Variants in GUCY1A2 observed in about 807,000 individuals in gnomAD.
GUCY1A2 encodes the protein guanylate cyclase 1 soluble subunit alpha 2, also known as guanylate cyclase soluble subunit alpha-2.
Under a neutral mutation model 63.5 loss-of-function variants are expected in GUCY1A2, and 27 were observed. The ratio of observed to expected loss-of-function variants is 0.43; its 90% CI spans 0.31 to 0.59. GUCY1A2 has a LOEUF of 0.59. Ranked by LOEUF, GUCY1A2 falls within the 20% of genes least tolerant of loss-of-function variation. The probability of loss-of-function intolerance (pLI) is 0.11; values close to 1 mark genes in which losing one functional copy is unlikely to be tolerated. For missense variants in GUCY1A2, 768 were observed against 913.3 expected (o/e 0.84, Z 2.05); for synonymous variants, 364 against 343.5 (o/e 1.06, Z -0.66).
chr11:106,812,252 A>G (rs1858771769), intron 4 of GUCY1A2, among the ~76,000 whole-genome samples: 1 of 151,964 alleles, frequency 6.6e-6, no homozygotes, highest in Non-Finnish European at 1.5e-5. Flanking sequence ...TTAAATGGCA[A>G]TGATAACATC....
chr11:106,882,479 G>A (rs1397973372), intron 4 of GUCY1A2, among the ~76,000 whole-genome samples: 1 of 151,992 alleles, frequency 6.6e-6, no homozygotes, highest in Non-Finnish European at 1.5e-5. Context: ...GTGAAAGAGA[G>A]AAGAAAGAGG....
At chr11:106,941,666 G>A (rs900434994) in intron 3 of GUCY1A2, among the ~76,000 whole-genome samples, 13 of 152,182 alleles carry the variant, frequency 8.5e-5, no homozygotes, top group South Asian at 6.2e-4. Context: ...CATTCCCTGA[G>A]TGTTCCTCCC....
intron 2 of GUCY1A2, among the ~76,000 whole-genome samples, chr11:106,984,692 A>G (rs1371263438): frequency 3.9e-5 from 6 of 152,236 alleles, no homozygotes; most frequent in African/African-American, 1.4e-4. Context: ...ACAGGTATGT[A>G]GTGCTCACCA....
Position 106,687,429 on chromosome 11 carries a change from A to C in GUCY1A2, c.*120T>G. 3 of 754,694 alleles carry C rather than the reference A, an allele frequency of 4.0e-6. No homozygotes were observed. Among genetic ancestry groups the C allele is most frequent in the Non-Finnish European group, 6.8e-6 (3 of 439,264 alleles). The allele number at this position is 754,694 out of a possible 1,614,324, so 46.7% of individuals were successfully genotyped here. On this transcript the variant is annotated 3_prime_UTR_variant, in exon 8 of 8. Coordinates refer to ENST00000526355, the MANE Select transcript of GUCY1A2 (RefSeq NM_000855.3). ...AGGATTATTGCCTGACATAATACAG[A>C]AATTTTGCTGCTTGTTCTCAACAAA...
Position 106,692,760 on chromosome 11 carries a change from T to C in GUCY1A2, c.1992-5004A>G, listed in dbSNP as rs1222855264. Among the ~76,000 whole-genome samples the C allele has an allele frequency of 2.0e-5, 3 of 152,288 alleles. No homozygotes were observed. In the East Asian group the frequency reaches 5.8e-4, roughly 29 times the overall value. ...TACTTTCCTATCTCTGACGATAATA[T>C]GTATGGGACAGGAGAAGACTGAGAG... On this transcript the variant is annotated intron_variant, in intron 7 of 7. Coordinates refer to ENST00000526355, the MANE Select transcript of GUCY1A2 (RefSeq NM_000855.3).
Position 106,685,013 on chromosome 11 carries a change from C to G in GUCY1A2, c.*2536G>C, listed in dbSNP as rs1165613139. The G allele has an allele frequency of 2.0e-5, 4 of 204,248 alleles. No individual in the cohort carries two copies. The highest frequency in any genetic ancestry group is 3.0e-5 in the Non-Finnish European group (3 of 99,934). The allele number at this position is 204,248 out of a possible 1,614,324, so 12.7% of individuals were successfully genotyped here. On this transcript the variant is annotated 3_prime_UTR_variant, in exon 8 of 8. Coordinates refer to ENST00000526355, the MANE Select transcript of GUCY1A2 (RefSeq NM_000855.3). ...GAATGAACAGACATTTTATATAGTACCTCATAAACATATATAGCAACATTG... is the reference window on the plus strand; with the variant it reads ...GAATGAACAGACATTTTATATAGTAGCTCATAAACATATATAGCAACATTG...
chr11:106,854,639 C>T (rs1395397208), intron 4 of GUCY1A2, among the ~76,000 whole-genome samples: 3 of 152,144 alleles, frequency 2.0e-5, no homozygotes, highest in Non-Finnish European at 4.4e-5. Flanking sequence ...CAGGCCTGCC[C>T]TCAGGGCCCC....
intron 4 of GUCY1A2, among the ~76,000 whole-genome samples, chr11:106,825,410 G>T (rs991096696): frequency 6.7e-6 from 1 of 149,402 alleles, no homozygotes; most frequent in Non-Finnish European, 1.5e-5. Flanking sequence ...ATTGTCTTGG[G>T]CCTCACATAA....
At position 106,925,886 on chromosome 11, in the gene GUCY1A2, T is replaced by C. The variant is rs530803942; in HGVS notation, c.1206+13574A>G. On this transcript the variant is annotated intron_variant, in intron 4 of 7. Coordinates refer to ENST00000526355, the MANE Select transcript of GUCY1A2 (RefSeq NM_000855.3). ...AAATTGGGGAATGAAATGTCTTAAA[T>C]AAAATAAATGTAGAATTTTGAAATA... is the stretch of plus-strand genomic sequence containing the variant. Among the ~76,000 whole-genome samples, 4 of 152,288 alleles carry C rather than the reference T, an allele frequency of 2.6e-5. No individual in the cohort carries two copies. The South Asian group carries it at 8.3e-4, about 32-fold the overall frequency.
intron 5 of GUCY1A2, 30 bp from the exon 6 acceptor site, chr11:106,776,612 C>T (rs767614094): frequency 9.4e-6 from 15 of 1,601,912 alleles, no homozygotes; most frequent in African/African-American, 6.7e-5. Flanking sequence ...CAAATGCAAA[C>T]GTATGATAAT....
chr11:106,932,201 T>C (rs1860611867), intron 4 of GUCY1A2, among the ~76,000 whole-genome samples: 1 of 152,106 alleles, frequency 6.6e-6, no homozygotes, highest in African/African-American at 2.4e-5. Flanking sequence ...AGGAGGTACC[T>C]CCTGTTATGC....
intron 1 of GUCY1A2, among the ~76,000 whole-genome samples, chr11:106,991,656 G>A (rs929748924): frequency 3.3e-5 from 5 of 152,152 alleles, no homozygotes; most frequent in African/African-American, 1.2e-4. Flanking sequence ...CTTCTGAGAT[G>A]GATACTCATA....
chr11:107,004,024 T>C (rs1320098273), intron 1 of GUCY1A2, among the ~76,000 whole-genome samples: 2 of 152,164 alleles, frequency 1.3e-5, no homozygotes, highest in Non-Finnish European at 2.9e-5. Context: ...CACATGGTGA[T>C]TAATCATGGG....
At chr11:106,853,162 A>G (rs67110749) in intron 4 of GUCY1A2, among the ~76,000 whole-genome samples, 20,476 of 152,160 alleles carry the variant, frequency 0.13, 1,685 homozygotes, top group Admixed American at 0.2. Flanking sequence ...ACCTTTCTGT[A>G]TCTGGATGTC....
chr11:106,699,814 G>C (rs1336918736), intron 7 of GUCY1A2, among the ~76,000 whole-genome samples: 4 of 151,436 alleles, frequency 2.6e-5, no homozygotes, highest in Non-Finnish European at 4.4e-5. Flanking sequence ...CGGAGTCTCG[G>C]TCTGTCGCCC....
At chr11:106,708,440 G>T in intron 7 of GUCY1A2, 72 bp downstream of exon 7, 1 of 1,176,914 alleles carries the variant, frequency 8.5e-7, no homozygotes, top group South Asian at 1.4e-5. Context: ...AAAGAACAGG[G>T]ACTCACAGAT....
chr11:106,952,706 T>A (rs989544137), intron 3 of GUCY1A2, among the ~76,000 whole-genome samples: 4 of 151,952 alleles, frequency 2.6e-5, no homozygotes, highest in African/African-American at 9.7e-5. Context: ...GCTGGTACAC[T>A]CTCAGCTCAC....
chr11:106,806,905 T>C (rs1858696676), intron 5 of GUCY1A2, among the ~76,000 whole-genome samples: 1 of 152,184 alleles, frequency 6.6e-6, no homozygotes, highest in African/African-American at 2.4e-5. Context: ...ATTATAATTC[T>C]TCACTCTATC....
chr11:106,812,695 T>C (rs535609479), intron 4 of GUCY1A2, among the ~76,000 whole-genome samples: 1 of 152,098 alleles, frequency 6.6e-6, no homozygotes, highest in Admixed American at 6.6e-5. Flanking sequence ...AATTGAATAG[T>C]TCACATTCCT....
Sources: gnomAD v4.1 joint callset for allele counts (sites outside exome capture counted in the v4.1 genomes callset) on GRCh38, gnomAD v4.1.1 for gene constraint, MANE v1.5 for transcripts, NCBI Gene and HGNC (gene_info 2026-07-23, HGNC 2026-07-21) for gene names.